Variants in SLC35F3 observed in about 807,000 individuals in gnomAD.
SLC35F3 encodes the protein solute carrier family 35 member F3, also known as putative thiamine transporter SLC35F3.
Under a neutral mutation model 49.9 loss-of-function variants are expected in SLC35F3, and 25 were observed. That is an observed-to-expected ratio of 0.50 (90% CI 0.37 to 0.70). SLC35F3 has a LOEUF of 0.70. Among genes scored for constraint, SLC35F3 ranks in the 30% least tolerant of loss-of-function variants. SLC35F3 has a pLI of 0.00. For synonymous variants in SLC35F3, 275 were observed against 265.4 expected, an observed-to-expected ratio of 1.04 and a Z score of -0.35; for missense variants, 525 against 639.8, an observed-to-expected ratio of 0.82 and a Z score of 1.94.
At chr1:234,070,802 A>T (rs1664702507) in intron 2 of SLC35F3, among the ~76,000 whole-genome samples, 1 of 152,092 alleles carries the variant, frequency 6.6e-6, no homozygotes, top group African/African-American at 2.4e-5. Context: ...GCCACCCCAT[A>T]ACATATCAGT....
chr1:234,251,432 A>G lies in SLC35F3; in HGVS notation c.608+19691A>G, dbSNP rs183407282. On this transcript the variant is annotated intron_variant, in intron 3 of 7. Transcript: ENST00000366618. ...CAACAGCCAGGTAGAAACTATATAT[A>G]TAGAAGAAAAGAGCCCATTTACAAA... Among the ~76,000 whole-genome samples, 7 of 148,746 alleles carry G rather than the reference A, an allele frequency of 4.7e-5. No individual in the cohort carries two copies. The East Asian group carries it at 9.8e-4, about 21-fold the overall frequency.
At position 234,038,007 on chromosome 1, in the gene SLC35F3, C is replaced by T. The variant is rs544704840; in HGVS notation, c.283+132249C>T. Among the ~76,000 whole-genome samples, 19 of 133,632 alleles carry T rather than the reference C, an allele frequency of 1.4e-4. 1 individual carries two copies. The East Asian group carries it at 3.8e-3, about 26-fold the overall frequency. 87.7% of individuals were successfully genotyped at this position (133,632 alleles called of 152,430 possible). On this transcript the variant is annotated intron_variant, in intron 2 of 7. Transcript: ENST00000366618. The stretch of plus-strand genomic sequence containing the variant: ...CTTTAAGTTTTAGGGTACATGTGCA[C>T]AATATGCAGGTTAGTTACATATGTA...
chr1:234,046,631 T>C lies in SLC35F3; in HGVS notation c.283+140873T>C, dbSNP rs545519617. 2.6e-5 allele frequency among the ~76,000 whole-genome samples: 4 copies of C among 152,328 alleles called. No individual in the cohort carries two copies. The South Asian group carries it at 6.2e-4, about 24-fold the overall frequency. ...TGATTTTACTCATGGTTTATACTTT[T>C]TCATATATACATATTTCTTGTCTAA... On this transcript the variant is annotated intron_variant, in intron 2 of 7. Coordinates refer to ENST00000366618, the MANE Select transcript of SLC35F3 (RefSeq NM_173508.4). The surrounding 1 kb of genome is among the most constrained non-coding windows in gnomAD (Gnocchi z 4.4).
chr1:233,931,137 C>G (rs1200681117), intron 2 of SLC35F3, among the ~76,000 whole-genome samples: 1 of 152,152 alleles, frequency 6.6e-6, no homozygotes, highest in Non-Finnish European at 1.5e-5. Context: ...AAAATCAACT[C>G]AAGATGGATT....
chr1:234,250,663 AAAAAAAAAAG>A (rs1667723761), intron 3 of SLC35F3, among the ~76,000 whole-genome samples: 1 of 151,722 alleles, frequency 6.6e-6, no homozygotes, highest in African/African-American at 2.4e-5. Context: ...CAAAAAAAAA[AAAAAAAAAAG>A]AAGTTCCTTT....
intron 2 of SLC35F3, among the ~76,000 whole-genome samples, chr1:234,179,791 G>C (rs1365129153): frequency 6.6e-6 from 1 of 152,150 alleles, no homozygotes; most frequent in Admixed American, 6.6e-5. Flanking sequence ...AAAGGGAGTG[G>C]AGCAGCACAT....
chr1:234,308,213 C>A (rs571066013), intron 3 of SLC35F3, among the ~76,000 whole-genome samples: 2 of 152,108 alleles, frequency 1.3e-5, no homozygotes, highest in Non-Finnish European at 2.9e-5. Context: ...AAATAGGTCA[C>A]GAGTTAACAC....
At chr1:233,909,436 G>A (rs2102781172) in intron 2 of SLC35F3, among the ~76,000 whole-genome samples, 1 of 152,296 alleles carries the variant, frequency 6.6e-6, no homozygotes, top group South Asian at 2.1e-4. Flanking sequence ...TTGAATGAAT[G>A]GATGGCTGCT....
At chr1:234,002,766 G>C (rs1362719139) in intron 2 of SLC35F3, among the ~76,000 whole-genome samples, 1 of 152,178 alleles carries the variant, frequency 6.6e-6, no homozygotes. Context: ...TGAAGGTGGA[G>C]AGTCTACATA....
chr1:233,980,243 A>G (rs1663159542), intron 2 of SLC35F3, among the ~76,000 whole-genome samples: 1 of 152,334 alleles, frequency 6.6e-6, no homozygotes, highest in East Asian at 1.9e-4. Context: ...TGCATCTACT[A>G]TATACCAGAC....
At chr1:234,076,338 C>T (rs866663199) in intron 2 of SLC35F3, among the ~76,000 whole-genome samples, 1 of 151,640 alleles carries the variant, frequency 6.6e-6, no homozygotes, top group South Asian at 2.1e-4. Flanking sequence ...TGGCTCATGC[C>T]TGTAATCCCA....
At chr1:234,075,819 A>G (rs1179383433) in intron 2 of SLC35F3, among the ~76,000 whole-genome samples, 3 of 152,250 alleles carry the variant, frequency 2.0e-5, no homozygotes, top group African/African-American at 2.4e-5. Flanking sequence ...CACCACAGGT[A>G]GCTACTCTGT....
At chr1:234,124,059 A>C (rs1450118959) in intron 2 of SLC35F3, among the ~76,000 whole-genome samples, 2 of 152,232 alleles carry the variant, frequency 1.3e-5, no homozygotes, top group African/African-American at 2.4e-5. Flanking sequence ...AAACAGAGCC[A>C]GAAGCAAAGA....
intron 2 of SLC35F3, among the ~76,000 whole-genome samples, chr1:233,974,986 T>G (rs1237997911): frequency 6.6e-6 from 1 of 152,216 alleles, no homozygotes; most frequent in African/African-American, 2.4e-5. Context: ...AGATAAGCTA[T>G]GTAGTTCAGG....
chr1:234,286,303 G>T (rs555197609), intron 3 of SLC35F3, among the ~76,000 whole-genome samples: 1 of 151,960 alleles, frequency 6.6e-6, no homozygotes, highest in South Asian at 2.1e-4. Context: ...TGGCTGGCTG[G>T]AAAGAAGGGC....
chr1:234,087,411 G>A (rs766435153), intron 2 of SLC35F3, among the ~76,000 whole-genome samples: 9 of 152,188 alleles, frequency 5.9e-5, no homozygotes, highest in Non-Finnish European at 1.0e-4. Context: ...TCCACAATCC[G>A]AGGTTGCTCC....
intron 2 of SLC35F3, among the ~76,000 whole-genome samples, chr1:233,961,871 A>G (rs1159072246): frequency 1.3e-5 from 2 of 152,192 alleles, no homozygotes; most frequent in African/African-American, 4.8e-5. Flanking sequence ...AACTGGATGG[A>G]GACAGCATCT....
chr1:234,069,409 C>T (rs373031956), intron 2 of SLC35F3, among the ~76,000 whole-genome samples: 57 of 151,636 alleles, frequency 3.8e-4, no homozygotes, highest in African/African-American at 1.4e-3. Flanking sequence ...AGGCATGTGC[C>T]ACCACACCTG....
At chr1:233,979,436 G>C (rs777828341) in intron 2 of SLC35F3, among the ~76,000 whole-genome samples, 48 of 152,218 alleles carry the variant, frequency 3.2e-4, no homozygotes, top group Admixed American at 2.0e-3. Flanking sequence ...TGAAGAGAAA[G>C]GACATTTTGT....
Sources: allele counts gnomAD v4.1 joint callset (sites outside exome capture counted in the v4.1 genomes callset), GRCh38; gene constraint gnomAD v4.1.1; non-coding constraint Gnocchi (gnomAD v3.1); transcripts MANE v1.5; gene names NCBI Gene and HGNC (gene_info 2026-07-23, HGNC 2026-07-21).